ALDH1A1: variants seen among roughly 807,000 people sequenced by gnomAD.
ALDH1A1 encodes aldehyde dehydrogenase 1A1.
In ALDH1A1, 19 loss-of-function variants were observed where a neutral mutation model predicts 62.1. The ratio of observed to expected loss-of-function variants is 0.31; its 90% CI spans 0.21 to 0.45. ALDH1A1 has a LOEUF of 0.45. Ranked by LOEUF, ALDH1A1 falls within the 20% of genes least tolerant of loss-of-function variation. The probability of loss-of-function intolerance (pLI) is 1.00; values close to 1 mark genes in which losing one functional copy is unlikely to be tolerated. For missense variants in ALDH1A1, 521 were observed against 607.1 expected, an observed-to-expected ratio of 0.86 and a Z score of 1.49; for synonymous variants, 231 against 215.9, an observed-to-expected ratio of 1.07 and a Z score of -0.61.
chr9:72,906,104 G>T, intron 11 of ALDH1A1, 72 bp from the exon 12 acceptor site: 1 of 1,131,598 alleles, frequency 8.8e-7, no homozygotes, highest in Non-Finnish European at 1.3e-6. Context: ...GGCAGTTTTA[G>T]AAATTTGGAA....
chr9:72,935,557 G>C (rs1308273048), intron 2 of ALDH1A1, among the ~76,000 whole-genome samples: 1 of 152,112 alleles, frequency 6.6e-6, no homozygotes, highest in South Asian at 2.1e-4. Context: ...TTACTTTAAC[G>C]GACATTTACT....
chr9:72,910,701 T>A (rs555259564), intron 10 of ALDH1A1, among the ~76,000 whole-genome samples: 1 of 152,238 alleles, frequency 6.6e-6, no homozygotes, highest in Non-Finnish European at 1.5e-5. Context: ...TTCTGGGAAA[T>A]CTGAATGAAG....
chr9:72,916,489 C>G (rs959006983), intron 9 of ALDH1A1, among the ~76,000 whole-genome samples: 1 of 151,992 alleles, frequency 6.6e-6, no homozygotes, highest in Admixed American at 6.6e-5. Context: ...TCAGAGTAAC[C>G]GATGACTTGC....
chr9:72,946,208 A>C (rs1022581942), intron 1 of ALDH1A1, among the ~76,000 whole-genome samples: 5 of 152,054 alleles, frequency 3.3e-5, no homozygotes, highest in African/African-American at 1.2e-4. Context: ...AATTGCTCGC[A>C]TGTAAGCCCT....
intron 10 of ALDH1A1, among the ~76,000 whole-genome samples, chr9:72,911,635 T>G (rs912052150): frequency 2.6e-5 from 4 of 152,204 alleles, no homozygotes; most frequent in African/African-American, 9.7e-5. Context: ...CCTGTCATAT[T>G]TCATGGAGCA....
intron 1 of ALDH1A1, 89 bp from the exon 2 acceptor site, chr9:72,940,341 C>A: frequency 1.1e-6 from 1 of 913,176 alleles, no homozygotes; most frequent in Non-Finnish European, 1.8e-6. Context: ...AAGCATTTCA[C>A]CATGCCTAAA....
chr9:72,929,066 A>G lies in ALDH1A1; in HGVS notation c.313-45T>C, dbSNP rs200675894. Reference sequence around the variant, plus strand: ...CCAAATCTAAAATTCCATAAGTTTTAGATTAAAAATATGTAGTAAATATTT... The same window carrying G: ...CCAAATCTAAAATTCCATAAGTTTTGGATTAAAAATATGTAGTAAATATTT... On this transcript the variant is annotated intron_variant, in intron 3 of 12. Coordinates refer to ENST00000297785, the MANE Select transcript of ALDH1A1 (RefSeq NM_000689.5). 340 of 1,586,160 alleles carry G rather than the reference A, an allele frequency of 2.1e-4. 1 individual carries two copies. The African/African-American group carries it at 3.4e-3, about 16-fold the overall frequency.
intron 1 of ALDH1A1, among the ~76,000 whole-genome samples, chr9:72,951,349 A>AC (rs1381595784): frequency 6.6e-6 from 1 of 151,842 alleles, no homozygotes; most frequent in African/African-American, 2.4e-5. Flanking sequence ...ATGCTTAGTT[A>AC]ATGACTACTA....
At chr9:72,918,633 TTTTTGTA>T in intron 8 of ALDH1A1, 80 bp downstream of exon 8, 1 of 327,772 alleles carries the variant, frequency 3.1e-6, no homozygotes. Flanking sequence ...TTTTTTTTTT[TTTTTGTA>T]AAGTTCAAGT....
chr9:72,930,827 G>T, intron 3 of ALDH1A1, 52 bp downstream of exon 3: 2 of 1,607,872 alleles, frequency 1.2e-6, no homozygotes, highest in Non-Finnish European at 1.7e-6. Flanking sequence ...CATTTCAAAC[G>T]CTGAATGCTT....
intron 1 of ALDH1A1, among the ~76,000 whole-genome samples, chr9:72,950,740 T>G (rs1830534707): frequency 6.6e-6 from 1 of 151,746 alleles, no homozygotes; most frequent in Non-Finnish European, 1.5e-5. Flanking sequence ...GACATTAGAA[T>G]AGTAACAGAA....
At chr9:72,946,987 G>A (rs1830484066) in intron 1 of ALDH1A1, among the ~76,000 whole-genome samples, 1 of 151,868 alleles carries the variant, frequency 6.6e-6, no homozygotes, top group Non-Finnish European at 1.5e-5. Flanking sequence ...ATAGGTTAAA[G>A]TCCCTGTTAC....
intron 6 of ALDH1A1, 135 bp downstream of exon 6, chr9:72,925,349 A>G (rs1830191277): frequency 2.0e-6 from 2 of 1,003,622 alleles, no homozygotes; most frequent in Non-Finnish European, 2.8e-6. Flanking sequence ...GCCAGCCGTC[A>G]TGCTAAATGT....
intron 2 of ALDH1A1, among the ~76,000 whole-genome samples, chr9:72,934,267 C>T (rs964513621): frequency 4.6e-5 from 7 of 152,138 alleles, no homozygotes; most frequent in African/African-American, 1.4e-4. Context: ...TCCTTCCTTT[C>T]AGTTTTCACT....
At chr9:72,906,130 C>T (rs1829875853) in intron 11 of ALDH1A1, 98 bp from the exon 12 acceptor site, 1 of 810,648 alleles carries the variant, frequency 1.2e-6, no homozygotes, top group Admixed American at 2.8e-5. Context: ...CTTACAAACT[C>T]CATTAATTTC....
At chr9:72,908,544 A>G (rs202218835) in intron 11 of ALDH1A1, among the ~76,000 whole-genome samples, 1 of 52,110 alleles carries the variant, frequency 1.9e-5, no homozygotes, top group Non-Finnish European at 4.0e-5. Context: ...AGAAAGAAAG[A>G]AAAGAAAGAA....
chr9:72,901,599 A>G (rs1452008382), intron 12 of ALDH1A1, among the ~76,000 whole-genome samples: 1 of 152,082 alleles, frequency 6.6e-6, no homozygotes, highest in Non-Finnish European at 1.5e-5. Context: ...ATGCAACAAG[A>G]TCATCTTGGA....
intron 2 of ALDH1A1, among the ~76,000 whole-genome samples, chr9:72,932,720 G>A (rs929253597): frequency 1.3e-5 from 2 of 152,048 alleles, no homozygotes; most frequent in African/African-American, 2.4e-5. Context: ...CATGCCACAC[G>A]TTCTAACTTT....
chr9:72,923,886 G>C (rs929162497), intron 7 of ALDH1A1, 133 bp downstream of exon 7: 9 of 578,410 alleles, frequency 1.6e-5, no homozygotes, highest in Non-Finnish European at 2.7e-5. Context: ...ATGTTTGAAG[G>C]CTAAAATAAG....
Sources: gnomAD v4.1 joint callset for allele counts (sites outside exome capture counted in the v4.1 genomes callset) on GRCh38, gnomAD v4.1.1 for gene constraint, MANE v1.5 for transcripts, NCBI Gene and HGNC (gene_info 2026-07-23, HGNC 2026-07-21) for gene names.